The following DST variants were observed in gnomAD, a reference collection of about 807,000 sequenced individuals.
DST encodes the protein dystonin.
In DST, 253 loss-of-function variants were observed where a neutral mutation model predicts 875.2. The observed-to-expected ratio is 0.29, with a 90% CI of 0.26 to 0.32. DST has a LOEUF of 0.32. Among genes scored for constraint, DST ranks in the 10% least tolerant of loss-of-function variants. The pLI, the probability that DST is intolerant of heterozygous loss-of-function variation, is 1.00. For missense variants in DST, 8,287 were observed against 9,111.6 expected (o/e 0.91, Z 3.68); for synonymous variants, 3,124 against 3,197.1 (o/e 0.98, Z 0.77).
chr6:56,607,003 T>A lies in DST; in HGVS notation c.7625A>T (p.Gln2542Leu). 6.2e-7 allele frequency: 1 copy of A among 1,613,528 alleles called. No individual in the cohort carries two copies. The highest frequency in any genetic ancestry group is 1.1e-5 in the South Asian group (1 of 91,072). ...GEDEKTHPGF[Q>L]QMPEDKEDES... Reference sequence around the variant, plus strand: ...ATCTTCCTTGTCTTCAGGCATCTGCTGAAAACCTGGATGTGTTTTTTCATC... The same window carrying A: ...ATCTTCCTTGTCTTCAGGCATCTGCAGAAAACCTGGATGTGTTTTTTCATC... The change falls in exon 40 of 104, where the codon CAG becomes CTG. Residue 2542 changes from glutamine (Q) to leucine (L), a missense_variant. Physicochemically the swap from Gln to Leu is moderately radical, Grantham distance 113. This residue lies in a region of DST where 3,138 missense variants were observed against 3,116.6 expected (regional missense o/e 1.01). Transcript: ENST00000680361.
At chr6:56,829,791 A>T (rs1195360847) in intron 4 of DST, among the ~76,000 whole-genome samples, 1 of 152,156 alleles carries the variant, frequency 6.6e-6, no homozygotes, top group African/African-American at 2.4e-5. Context: ...GAAACACTCA[A>T]GAAATAAATA....
chr6:56,488,041 A>C (rs2095620420), intron 86 of DST, among the ~76,000 whole-genome samples: 1 of 152,224 alleles, frequency 6.6e-6, no homozygotes, highest in Admixed American at 6.5e-5. Context: ...TGACTAAATT[A>C]TTTAATTTGT....
chr6:56,494,610 T>C (rs1049840552), intron 82 of DST, among the ~76,000 whole-genome samples: 1 of 152,148 alleles, frequency 6.6e-6, no homozygotes, highest in Non-Finnish European at 1.5e-5. Context: ...TTGGTACGAT[T>C]TAATTCTGCA....
In DST at chr6:56,851,542, A is replaced by C; in HGVS notation, c.480T>G (p.Asp160Glu). Residue 160 changes from aspartate (D) to glutamate (E), a missense_variant, in exon 4 of 104, where the codon GAT becomes GAG. Physicochemically the swap from Asp to Glu is conservative, Grantham distance 45. This residue lies in a region of DST where 1,160 missense variants were observed against 1,424.3 expected (regional missense o/e 0.81). Transcript: ENST00000680361. ...CGGAGCCAGATTTCTGGCTGAAATC[A>C]TCCTCATCGGAAAAATCCGCAGAGG... ...MSSSADFSDE[D>E]DFSQKSGSAS... 1.2e-6 allele frequency: 2 copies of C among 1,614,044 alleles called. No homozygotes were observed. The highest frequency in any genetic ancestry group is 1.7e-6 in the Non-Finnish European group (2 of 1,179,896).
chr6:56,462,200 G>T (rs1172109782), intron 102 of DST: 1 of 151,894 alleles, frequency 6.6e-6, no homozygotes, highest in Non-Finnish European at 1.5e-5. Context: ...ACTAATTATT[G>T]GGATTCTAAT....
At chr6:56,546,959 C>CA (rs1406323617) in intron 61 of DST, among the ~76,000 whole-genome samples, 1 of 152,020 alleles carries the variant, frequency 6.6e-6, no homozygotes, top group Admixed American at 6.6e-5. Context: ...TAACAACTAC[C>CA]AAAAAATCCT....
chr6:56,749,384 CT>C (rs1448450502), intron 4 of DST, among the ~76,000 whole-genome samples: 2 of 152,008 alleles, frequency 1.3e-5, no homozygotes, highest in African/African-American at 4.8e-5. Flanking sequence ...CTTGGGAGCT[CT>C]TGCCTTTCTC....
chr6:56,666,190 A>G (rs2099071306), intron 10 of DST, among the ~76,000 whole-genome samples: 1 of 151,346 alleles, frequency 6.6e-6, no homozygotes, highest in Non-Finnish European at 1.5e-5. Context: ...GCTAACAAAC[A>G]TTCTTTTTAT....
At chr6:56,554,436 C>A (rs945328685) in intron 60 of DST, among the ~76,000 whole-genome samples, 15 of 152,122 alleles carry the variant, frequency 9.9e-5, no homozygotes, top group Non-Finnish European at 1.9e-4. Context: ...CACATAAAAA[C>A]TACATGAGTT....
intron 2 of DST, among the ~76,000 whole-genome samples, chr6:56,902,577 A>G (rs1005421774): frequency 2.6e-5 from 4 of 152,272 alleles, no homozygotes; most frequent in African/African-American, 9.6e-5. Flanking sequence ...AGAAATCGGT[A>G]AGGAGAAAAT....
At chr6:56,611,475 T>C (rs1245337424) in intron 38 of DST, 33 bp downstream of exon 38, 1 of 1,499,004 alleles carries the variant, frequency 6.7e-7, no homozygotes, top group Non-Finnish European at 9.3e-7. Context: ...ACTTCCCCAC[T>C]TAAAATAAAA....
At position 56,597,916 on chromosome 6, in the gene DST, C is replaced by A; in HGVS notation, c.12019G>T (p.Ala4007Ser). The change falls in exon 47 of 104, where the codon GCA becomes TCA. Residue 4007 changes from alanine (A) to serine (S), a missense_variant. Transcript: ENST00000680361. ...LSNVDKDSER[A>S]GTKHKQVIEQ... ...ATTACCTGTTTGTGTTTTGTCCCTGCCCTTTCTGAGTCTTTGTCAACATTT... is the reference window on the plus strand; with the variant it reads ...ATTACCTGTTTGTGTTTTGTCCCTGACCTTTCTGAGTCTTTGTCAACATTT... 6.2e-7 allele frequency: 1 copy of A among 1,613,704 alleles called. No individual in the cohort carries two copies. The highest frequency in any genetic ancestry group is 8.5e-7 in the Non-Finnish European group (1 of 1,179,756).
chr6:56,819,689 T>TA (rs1455522897), intron 4 of DST, among the ~76,000 whole-genome samples: 1 of 151,154 alleles, frequency 6.6e-6, no homozygotes, highest in Non-Finnish European at 1.5e-5. Flanking sequence ...TTAAAATGTA[T>TA]AAAAAATTAA....
intron 4 of DST, among the ~76,000 whole-genome samples, chr6:56,850,004 G>C (rs1764264076): frequency 6.6e-6 from 1 of 152,260 alleles, no homozygotes; most frequent in East Asian, 1.9e-4. Flanking sequence ...CATTTCGCTG[G>C]AGCCTCAGAC....
At chr6:56,945,263 G>C (rs1818831558) in intron 2 of DST, among the ~76,000 whole-genome samples, 1 of 152,176 alleles carries the variant, frequency 6.6e-6, no homozygotes, top group African/African-American at 2.4e-5. Flanking sequence ...GATGCAGAGA[G>C]ACTTGTCCAG....
At chr6:56,828,477 A>G (rs1001125040) in intron 4 of DST, among the ~76,000 whole-genome samples, 9 of 152,230 alleles carry the variant, frequency 5.9e-5, no homozygotes, top group African/African-American at 1.9e-4. Flanking sequence ...TAACACTGAT[A>G]TCACTACTTC....
chr6:56,616,680 C>T lies in DST; in HGVS notation c.4930-2196G>A. ...TGCTGCAGAGCAATTTCTGGAGGAA[C>T]ACGAATGCCTCTCACAGGGTCAATG... On this transcript the variant is annotated intron_variant, in intron 36 of 103. Coordinates refer to ENST00000680361, the MANE Select transcript of DST (RefSeq NM_001374736.1). 1 of 1,614,184 alleles carries T rather than the reference C, an allele frequency of 6.2e-7. No individual in the cohort carries two copies. Among genetic ancestry groups the T allele is most frequent in the Non-Finnish European group, 8.5e-7 (1 of 1,180,028 alleles).
At chr6:56,723,151 G>A (rs554782782) in intron 5 of DST, among the ~76,000 whole-genome samples, 5 of 152,352 alleles carry the variant, frequency 3.3e-5, no homozygotes, top group Non-Finnish European at 7.4e-5. Flanking sequence ...GCTGGCCCAA[G>A]ATAAGTAGGT....
At chr6:56,523,623 T>A (rs567829075) in intron 69 of DST, among the ~76,000 whole-genome samples, 1 of 152,166 alleles carries the variant, frequency 6.6e-6, no homozygotes, top group Non-Finnish European at 1.5e-5. Flanking sequence ...AAGAGGTATA[T>A]CTGTATATAT....
Sources: allele counts gnomAD v4.1 joint callset (sites outside exome capture counted in the v4.1 genomes callset), GRCh38; gene constraint gnomAD v4.1.1; regional missense constraint gnomAD v4.1.1; transcripts MANE v1.5; gene names NCBI Gene and HGNC (gene_info 2026-07-23, HGNC 2026-07-21).